The following CENPK variants were observed in gnomAD, a reference collection of about 807,000 sequenced individuals.
CENPK encodes SoxLZ/Sox6-binding protein Solt.
CENPK carries 46 observed loss-of-function variants against 40.9 expected under a neutral mutation model. That is an observed-to-expected ratio of 1.13 (90% CI 0.89 to 1.44). The LOEUF (loss-of-function observed/expected upper bound fraction) is 1.44, where lower values mean the gene tolerates loss of function less well. Ranked by LOEUF, CENPK falls within the 40% of genes most tolerant of loss-of-function variation. The pLI, the probability that CENPK is intolerant of heterozygous loss-of-function variation, is 0.00. For missense variants in CENPK, 288 were observed against 303.5 expected (o/e 0.95, Z 0.38); for synonymous variants, 107 against 104.4 (o/e 1.02, Z -0.15).
At chr5:65,530,120 G>A (rs777963392) in intron 6 of CENPK, among the ~76,000 whole-genome samples, 13 of 152,060 alleles carry the variant, frequency 8.5e-5, no homozygotes, top group Non-Finnish European at 1.6e-4. Context: ...CCTTTACTGA[G>A]GAGACTGTAC....
intron 6 of CENPK, chr5:65,541,437 C>A (rs1340652457): frequency 6.6e-6 from 3 of 456,174 alleles, no homozygotes; most frequent in South Asian, 4.6e-5. Context: ...TCTGCAGAAT[C>A]TGCCAAAGAA....
intron 2 of CENPK, among the ~76,000 whole-genome samples, chr5:65,558,705 T>C (rs76356950): frequency 0.015 from 2,218 of 152,318 alleles, 139 homozygotes; most frequent in Admixed American, 0.1. Context: ...AGCATGGTTG[T>C]ATGTTTTCTT....
At chr5:65,547,346 T>C (rs766209602) in intron 5 of CENPK, among the ~76,000 whole-genome samples, 2 of 150,036 alleles carry the variant, frequency 1.3e-5, no homozygotes, top group Non-Finnish European at 2.9e-5. Flanking sequence ...TGAGCCGAGA[T>C]TGCACCACTG....
the CENPK span, among the ~76,000 whole-genome samples, chr5:65,512,209 TC>T: frequency 1.3e-5 from 2 of 152,192 alleles, no homozygotes; most frequent in African/African-American, 2.4e-5. Context: ...GGAATCTACT[TC>T]CAGTGAAGAT....
chr5:65,514,582 G>A (rs1384575070), downstream of CENPK, among the ~76,000 whole-genome samples: 1 of 152,034 alleles, frequency 6.6e-6, no homozygotes, highest in South Asian at 2.1e-4. Context: ...GTGTGTTAAA[G>A]CATTTCCTCT....
intron 5 of CENPK, among the ~76,000 whole-genome samples, chr5:65,546,387 T>C (rs1011793426): frequency 1.2e-4 from 19 of 152,302 alleles, no homozygotes; most frequent in African/African-American, 4.1e-4. Context: ...TGATCAAATA[T>C]GCTCCATTCA....
chr5:65,551,749 C>T (rs1750097169), intron 4 of CENPK, 113 bp from the exon 5 acceptor site: 1 of 496,882 alleles, frequency 2.0e-6, no homozygotes, highest in Non-Finnish European at 3.6e-6. Flanking sequence ...GCATCCCTAA[C>T]TCTCACGCTG....
At chr5:65,501,609 G>C in the CENPK span, among the ~76,000 whole-genome samples, 2 of 139,946 alleles carry the variant, frequency 1.4e-5, no homozygotes, top group African/African-American at 5.2e-5. Flanking sequence ...CTCAAATCTT[G>C]TTTTAGCAGG....
chr5:65,519,743 A>T (rs1015787082), intron 10 of CENPK, among the ~76,000 whole-genome samples: 2 of 152,144 alleles, frequency 1.3e-5, no homozygotes, highest in Admixed American at 1.3e-4. Context: ...ATCATTAATT[A>T]TTTCAAGTCC....
chr5:65,525,848 C>A (rs994768075), intron 9 of CENPK, among the ~76,000 whole-genome samples: 1 of 145,154 alleles, frequency 6.9e-6, no homozygotes, highest in East Asian at 2.2e-4. Flanking sequence ...CACCTACAAG[C>A]CAGGAAGAGA....
At chr5:65,510,918 C>T in the CENPK span, among the ~76,000 whole-genome samples, 1 of 152,138 alleles carries the variant, frequency 6.6e-6, no homozygotes, top group African/African-American at 2.4e-5. Flanking sequence ...CATGTGATGT[C>T]CTGTGCCACT....
chr5:65,554,728 T>G (rs1025646974), intron 3 of CENPK, 69 bp downstream of exon 3: 1 of 848,366 alleles, frequency 1.2e-6, no homozygotes, highest in African/African-American at 1.7e-5. Context: ...ATTTCTTTCC[T>G]GAGTCTATTT....
intron 6 of CENPK, among the ~76,000 whole-genome samples, chr5:65,541,136 A>C (rs1747902054): frequency 6.6e-6 from 1 of 152,036 alleles, no homozygotes; most frequent in East Asian, 1.9e-4. Flanking sequence ...TATCCTTTGT[A>C]ATATCTCTTA....
chr5:65,558,455 G>A (rs1484868356), intron 2 of CENPK, among the ~76,000 whole-genome samples: 1 of 149,680 alleles, frequency 6.7e-6, no homozygotes, highest in Non-Finnish European at 1.5e-5. Flanking sequence ...GTAAGTAGAC[G>A]TGTTGCTAGG....
At chr5:65,555,131 G>T in intron 2 of CENPK, 185 bp from the exon 3 acceptor site, 1 of 321,194 alleles carries the variant, frequency 3.1e-6, no homozygotes, top group East Asian at 6.1e-5. Flanking sequence ...ATATACTGTA[G>T]TATATCAAAT....
chr5:65,528,555 TTA>T lies in CENPK; in HGVS notation c.492_493del (p.Lys165AsnfsTer3). ...CTTATATTCTTTTATATTAAGCATT[TTA>T]GTTTTCAGTTCATTAAAGATTCTAA... is the stretch of plus-strand genomic sequence containing the variant. On this transcript the variant is annotated frameshift_variant, in exon 9 of 11. Transcript: ENST00000396679. LOFTEE classifies it high-confidence loss of function. The T allele has an allele frequency of 1.9e-6, 3 of 1,565,594 alleles. No homozygotes were observed. Among genetic ancestry groups the T allele is most frequent in the Non-Finnish European group, 2.6e-6 (3 of 1,162,614 alleles).
chr5:65,520,245 A>G (rs747721335), intron 10 of CENPK, among the ~76,000 whole-genome samples: 4 of 152,058 alleles, frequency 2.6e-5, no homozygotes, highest in African/African-American at 4.8e-5. Context: ...CTGGCCATGT[A>G]AAGTGTCTGC....
chr5:65,531,363 T>C (rs970407477), intron 6 of CENPK, among the ~76,000 whole-genome samples: 17 of 151,678 alleles, frequency 1.1e-4, no homozygotes, highest in Admixed American at 3.3e-4. Flanking sequence ...TAGGAAATTA[T>C]TATAACTGAA....
chr5:65,548,382 T>G (rs553102702), intron 5 of CENPK, among the ~76,000 whole-genome samples: 1 of 152,346 alleles, frequency 6.6e-6, no homozygotes, highest in African/African-American at 2.4e-5. Flanking sequence ...TTGTAATGTT[T>G]TGCTGGTGGA....
Sources: gnomAD v4.1 joint callset for allele counts (sites outside exome capture counted in the v4.1 genomes callset) on GRCh38, gnomAD v4.1.1 for gene constraint, MANE v1.5 for transcripts, NCBI Gene and HGNC (gene_info 2026-07-23, HGNC 2026-07-21) for gene names.